The following ST6GAL2 variants were observed in gnomAD, a reference collection of about 807,000 sequenced individuals.
ST6GAL2 encodes ST6 beta-galactoside alpha-2,6-sialyltransferase 2.
A neutral mutation model predicts 37.5 loss-of-function variants in ST6GAL2; 24 were observed. That is an observed-to-expected ratio of 0.64 (90% CI 0.46 to 0.90). The LOEUF (loss-of-function observed/expected upper bound fraction) is 0.90, where lower values mean the gene tolerates loss of function less well. Among genes scored for constraint, ST6GAL2 ranks in the 40% least tolerant of loss-of-function variants. ST6GAL2 has a pLI of 0.00. For missense variants in ST6GAL2, 715 were observed against 712.7 expected, an observed-to-expected ratio of 1.00 and a Z score of -0.04; for synonymous variants, 306 against 295.1, an observed-to-expected ratio of 1.04 and a Z score of -0.38.
At chr2:106,824,687 T>G (rs1288896109) in intron 5 of ST6GAL2, among the ~76,000 whole-genome samples, 2 of 152,206 alleles carry the variant, frequency 1.3e-5, no homozygotes, top group Admixed American at 1.3e-4. Flanking sequence ...GATTTAATGT[T>G]ACGGAATTTC....
chr2:106,843,719 C>G lies in ST6GAL2; in HGVS notation c.259G>C (p.Gly87Arg). ...TCTCCAGGCCCCGCATGAAAGGAACCGGCTGGGTGGGCGCGGGGCAGCGCC... is the reference window on the plus strand; with the variant it reads ...TCTCCAGGCCCCGCATGAAAGGAACGGGCTGGGTGGGCGCGGGGCAGCGCC... ...RQALPRAHPAGSFHAGPGDLQ... is the reference protein window; with the variant it reads ...RQALPRAHPARSFHAGPGDLQ... The change falls in exon 2 of 6, where the codon GGT becomes CGT. Residue 87 changes from glycine to arginine, a missense_variant. Physicochemically the swap from Gly to Arg is moderately radical, Grantham distance 125 (BLOSUM62 -2). Around this residue, in one of 3 missense-constraint regions of ST6GAL2, gnomAD observed 512 missense variants for 488.8 expected, o/e 1.05. Coordinates refer to ENST00000409382, the MANE Select transcript of ST6GAL2 (RefSeq NM_001142351.2). The G allele has an allele frequency of 3.1e-6, 5 of 1,612,952 alleles. No individual in the cohort carries two copies. Among genetic ancestry groups the G allele is most frequent in the Non-Finnish European group, 3.4e-6 (4 of 1,179,918 alleles).
intron 5 of ST6GAL2, among the ~76,000 whole-genome samples, chr2:106,812,652 C>T (rs895787538): frequency 6.6e-6 from 1 of 152,164 alleles, no homozygotes; most frequent in African/African-American, 2.4e-5. Context: ...GTCAAGCTGG[C>T]GGTGTTGTCT....
Position 106,806,807 on chromosome 2 carries a change from A to G in ST6GAL2, c.1461T>C (p.Tyr487=), listed in dbSNP as rs756595102. The change falls in exon 6 of 6, where the codon TAT becomes TAC. Residue 487 remains tyrosine, a synonymous_variant. Coordinates refer to ENST00000409382, the MANE Select transcript of ST6GAL2 (RefSeq NM_001142351.2). Reference sequence around the variant, plus strand: ...TCAGGCGCTGCACCAGGAGCTTCTCATAGAGTAGTGGGTGGTACGCCCCGA... The same window carrying G: ...TCAGGCGCTGCACCAGGAGCTTCTCGTAGAGTAGTGGGTGGTACGCCCCGA... The part of the protein sequence containing the change: ...CTLGAYHPLL[Y]EKLLVQRLNM... 37 of 1,614,032 alleles carry G rather than the reference A, an allele frequency of 2.3e-5. No homozygotes were observed. Among genetic ancestry groups the G allele is most frequent in the Non-Finnish European group, 2.5e-6 (3 of 1,180,026 alleles).
At chr2:106,847,314 A>C (rs1171216485) in intron 1 of ST6GAL2, among the ~76,000 whole-genome samples, 1 of 152,248 alleles carries the variant, frequency 6.6e-6, no homozygotes, top group African/African-American at 2.4e-5. Flanking sequence ...TGATCTGTCT[A>C]ACCTGTCCAC....
chr2:106,843,252 C>T lies in ST6GAL2; in HGVS notation c.726G>A (p.Arg242=). The change falls in exon 2 of 6, where the codon CGG becomes CGA. Residue 242 remains arginine (R), a synonymous_variant. Transcript: ENST00000409382. ...GCTGTGCCCTGCTCAGCCCGGCCTC[C>T]CGCTTCCCGCGGAAGCGCACCCCGT... ...NKHGVRFRGK[R]EAGLSRAQLL... 6.3e-7 allele frequency: 1 copy of T among 1,593,802 alleles called. No homozygotes were observed.
chr2:106,813,669 A>G (rs761669489), intron 5 of ST6GAL2, among the ~76,000 whole-genome samples: 1 of 152,242 alleles, frequency 6.6e-6, no homozygotes, highest in African/African-American at 2.4e-5. Context: ...GAGAAAAACA[A>G]AATTTTCTCC....
chr2:106,830,776 G>T (rs1676391404), intron 4 of ST6GAL2, among the ~76,000 whole-genome samples: 1 of 152,142 alleles, frequency 6.6e-6, no homozygotes, highest in Admixed American at 6.5e-5. Flanking sequence ...TTGTATCGTT[G>T]CTGCTTGGGC....
At chr2:106,840,442 T>C (rs997202395) in intron 2 of ST6GAL2, among the ~76,000 whole-genome samples, 5 of 152,346 alleles carry the variant, frequency 3.3e-5, no homozygotes, top group Admixed American at 2.6e-4. Context: ...TACCAACTTA[T>C]ACAAATGAAA....
chr2:106,813,324 C>G, intron 5 of ST6GAL2: 1 of 712,964 alleles, frequency 1.4e-6, no homozygotes, highest in Non-Finnish European at 2.0e-6. Context: ...TTTTAAACAT[C>G]ATATAACGCA....
chr2:106,820,311 A>G (rs1675954251), intron 5 of ST6GAL2, among the ~76,000 whole-genome samples: 1 of 152,066 alleles, frequency 6.6e-6, no homozygotes, highest in African/African-American at 2.4e-5. Flanking sequence ...CCTCCCAACT[A>G]AAAGCAGGGG....
chr2:106,816,086 G>C (rs138587863), intron 5 of ST6GAL2, among the ~76,000 whole-genome samples: 90 of 152,314 alleles, frequency 5.9e-4, no homozygotes, highest in African/African-American at 2.0e-3. Context: ...AGGAGGTGGA[G>C]TTATTTGGTG....
intron 1 of ST6GAL2, among the ~76,000 whole-genome samples, chr2:106,846,209 C>T (rs572180203): frequency 7.9e-5 from 12 of 152,156 alleles, no homozygotes; most frequent in Non-Finnish European, 1.3e-4. Flanking sequence ...AGTCAGTCAA[C>T]GGTGAGTGAT....
intron 2 of ST6GAL2, chr2:106,834,383 T>G: frequency 2.3e-6 from 1 of 434,686 alleles, no homozygotes; most frequent in South Asian, 3.0e-5. Flanking sequence ...TGGGCGAGAC[T>G]GTATGATCTA....
chr2:106,852,401 G>A (rs1055605865), intron 1 of ST6GAL2, among the ~76,000 whole-genome samples: 7 of 152,294 alleles, frequency 4.6e-5, no homozygotes, highest in East Asian at 1.9e-4. Context: ...CAGTGACCTC[G>A]CTTGGTTGAG....
intron 1 of ST6GAL2, among the ~76,000 whole-genome samples, chr2:106,864,989 G>A (rs955046828): frequency 2.0e-5 from 3 of 151,988 alleles, no homozygotes; most frequent in African/African-American, 4.8e-5. Flanking sequence ...TGGTGTAAAC[G>A]CTTCCACTAT....
intron 1 of ST6GAL2, among the ~76,000 whole-genome samples, chr2:106,874,738 C>A (rs1260993449): frequency 6.6e-6 from 1 of 152,176 alleles, no homozygotes; most frequent in Non-Finnish European, 1.5e-5. Flanking sequence ...CCTCTAGAAA[C>A]TGTATATGTC....
intron 1 of ST6GAL2, among the ~76,000 whole-genome samples, chr2:106,866,769 G>C (rs768505755): frequency 2.6e-4 from 39 of 152,170 alleles, no homozygotes; most frequent in Non-Finnish European, 2.9e-4. Flanking sequence ...GGTAGAATGT[G>C]TTGGTAAAAC....
chr2:106,841,896 T>A (rs1370070138), intron 2 of ST6GAL2, among the ~76,000 whole-genome samples: 1 of 152,248 alleles, frequency 6.6e-6, no homozygotes, highest in African/African-American at 2.4e-5. Flanking sequence ...TAATGTTGTG[T>A]GCCATCTTGG....
chr2:106,877,388 C>T (rs1042586213), intron 1 of ST6GAL2, among the ~76,000 whole-genome samples: 2 of 150,816 alleles, frequency 1.3e-5, no homozygotes, highest in Non-Finnish European at 2.9e-5. Context: ...CATGTATATA[C>T]ACACGATAGA....
Sources: gnomAD v4.1 joint callset for allele counts (sites outside exome capture counted in the v4.1 genomes callset) on GRCh38, gnomAD v4.1.1 for gene constraint, gnomAD v4.1.1 regional missense constraint, MANE v1.5 for transcripts, NCBI Gene and HGNC (gene_info 2026-07-23, HGNC 2026-07-21) for gene names.